PRKCA: variants seen among roughly 807,000 people sequenced by gnomAD.
PRKCA encodes protein kinase C alpha.
Under a neutral mutation model 87.0 loss-of-function variants are expected in PRKCA, and 27 were observed. That is an observed-to-expected ratio of 0.31 (90% CI 0.23 to 0.43). The LOEUF is 0.43. PRKCA is among the 20% of genes least tolerant of loss of function. PRKCA has a pLI of 1.00. For missense variants in PRKCA, 518 were observed against 852.3 expected (o/e 0.61, Z 4.88); for synonymous variants, 329 against 311.1 (o/e 1.06, Z -0.61).
At chr17:66,545,825 T>C (rs563246454) in intron 3 of PRKCA, among the ~76,000 whole-genome samples, 1 of 152,322 alleles carries the variant, frequency 6.6e-6, no homozygotes, top group East Asian at 1.9e-4. Context: ...AAATATGAAG[T>C]GTGTCATGTG....
Position 66,322,639 on chromosome 17 carries a change from G to GTTT in PRKCA, c.205+16525_205+16527dup, listed in dbSNP as rs71160559. ...CACCGTGCCCAGCTAATTTTTAATT[G>GTTT]TTTTTTTTTTTTTTTGTAGAGATGG... On this transcript the variant is annotated intron_variant, in intron 2 of 16. Coordinates refer to ENST00000413366, the MANE Select transcript of PRKCA (RefSeq NM_002737.3). 6.4e-4 allele frequency among the ~76,000 whole-genome samples: 85 copies of GTTT among 132,200 alleles called. 1 individual carries two copies. The highest frequency in any genetic ancestry group is 2.1e-3 in the African/African-American group (74 of 34,560). 86.7% of individuals were successfully genotyped at this position (132,200 alleles called of 152,430 possible). A position where few individuals can be genotyped will look rare whatever the true frequency, so the allele number is the denominator to read the frequency against.
At chr17:66,388,976 A>T (rs1401538859) in intron 2 of PRKCA, among the ~76,000 whole-genome samples, 1 of 152,214 alleles carries the variant, frequency 6.6e-6, no homozygotes, top group Non-Finnish European at 1.5e-5. Context: ...AAGGAAAAAG[A>T]AAAAGCTGTG....
intron 3 of PRKCA, among the ~76,000 whole-genome samples, chr17:66,610,796 A>T (rs949927488): frequency 6.6e-6 from 1 of 152,106 alleles, no homozygotes; most frequent in Non-Finnish European, 1.5e-5. Context: ...ACAACCTAAG[A>T]TCTAAGCTGA....
intron 2 of PRKCA, among the ~76,000 whole-genome samples, chr17:66,342,833 A>T (rs1281497500): frequency 6.6e-6 from 1 of 152,252 alleles, no homozygotes; most frequent in South Asian, 2.1e-4. Flanking sequence ...AAGAAAAATT[A>T]TATCAGAAGT....
intron 2 of PRKCA, among the ~76,000 whole-genome samples, chr17:66,347,941 C>CTTTTTTATTTTTTTTT (rs1907496834): frequency 1.8e-5 from 1 of 56,440 alleles, no homozygotes; most frequent in Non-Finnish European, 3.3e-5. Context: ...AATTCTGAAC[C>CTTTTTTATTTTTTTTT]TTTTTTTTTT....
chr17:66,548,545 G>A (rs1287004355), intron 3 of PRKCA, among the ~76,000 whole-genome samples: 1 of 152,148 alleles, frequency 6.6e-6, no homozygotes, highest in Admixed American at 6.5e-5. Flanking sequence ...AACCCATTAA[G>A]ATAGGTGATC....
rs769765060 is a variant in PRKCA at position 66,804,351 on chromosome 17, T to A, written c.*314T>A. 1 of 234,364 alleles carries A rather than the reference T, an allele frequency of 4.3e-6. No individual in the cohort carries two copies. Among genetic ancestry groups the A allele is most frequent in the African/African-American group, 2.3e-5 (1 of 44,278 alleles). The allele number at this position is 234,364 out of a possible 1,614,324, so 14.5% of individuals were successfully genotyped here. ...TTGCCCCATTTTGGGTACAATTTGA[T>A]ATACTTTCCATACCCTCCATCTGTG... On this transcript the variant is annotated 3_prime_UTR_variant, in exon 17 of 17. Coordinates refer to ENST00000413366, the MANE Select transcript of PRKCA (RefSeq NM_002737.3).
At chr17:66,777,794 T>G (rs777215582) in intron 14 of PRKCA, 72 of 985,334 alleles carry the variant, frequency 7.3e-5, no homozygotes, top group Admixed American at 1.8e-4. Flanking sequence ...CCGAGGGCGC[T>G]TTACAAGAGG....
chr17:66,315,463 A>T (rs181251933), intron 2 of PRKCA, among the ~76,000 whole-genome samples: 1 of 146,208 alleles, frequency 6.8e-6, no homozygotes, highest in East Asian at 2.1e-4. Context: ...GAGGTATTAA[A>T]GAATGAAGTG....
At chr17:66,333,376 G>A (rs147148687) in intron 2 of PRKCA, among the ~76,000 whole-genome samples, 93 of 152,228 alleles carry the variant, frequency 6.1e-4, no homozygotes, top group Non-Finnish European at 1.2e-3. Flanking sequence ...TCTTGTTATA[G>A]CATGAATGAT....
chr17:66,378,643 T>C (rs1171866089), intron 2 of PRKCA, among the ~76,000 whole-genome samples: 1 of 152,164 alleles, frequency 6.6e-6, no homozygotes, highest in African/African-American at 2.4e-5. Context: ...CTCACGCCTG[T>C]AATCCTAGCA....
At chr17:66,656,530 T>TATC (rs1474780661) in intron 5 of PRKCA, among the ~76,000 whole-genome samples, 1 of 87,654 alleles carries the variant, frequency 1.1e-5, no homozygotes, top group Non-Finnish European at 2.3e-5. Context: ...CAAGGAACTT[T>TATC]ATCTTCTGGA....
intron 2 of PRKCA, among the ~76,000 whole-genome samples, chr17:66,458,877 A>C (rs112765930): frequency 3.3e-5 from 5 of 152,178 alleles, no homozygotes; most frequent in Admixed American, 3.3e-4. Flanking sequence ...CAAAGGCAAA[A>C]GGGGGAAGGA....
chr17:66,720,806 C>T (rs909653173), intron 8 of PRKCA, among the ~76,000 whole-genome samples: 5 of 152,140 alleles, frequency 3.3e-5, no homozygotes, highest in African/African-American at 9.7e-5. Context: ...TTGGCCTGTC[C>T]GTGGAATCTT....
At chr17:66,579,010 C>T (rs1450990299) in intron 3 of PRKCA, among the ~76,000 whole-genome samples, 1 of 152,212 alleles carries the variant, frequency 6.6e-6, no homozygotes, top group East Asian at 1.9e-4. Flanking sequence ...TGCTTCTGTG[C>T]AGGCTGTGGC....
chr17:66,661,992 A>G (rs1971919082), intron 5 of PRKCA, among the ~76,000 whole-genome samples: 1 of 152,212 alleles, frequency 6.6e-6, no homozygotes. Context: ...AGGAATTCCT[A>G]CTGCGAGAAT....
chr17:66,396,526 C>T (rs529038975), intron 2 of PRKCA, among the ~76,000 whole-genome samples: 1 of 151,868 alleles, frequency 6.6e-6, no homozygotes, highest in East Asian at 1.9e-4. Flanking sequence ...CTGCTTTTTA[C>T]ACTTGTCATG....
chr17:66,659,264 G>A (rs1003328271), intron 5 of PRKCA, among the ~76,000 whole-genome samples: 1 of 152,142 alleles, frequency 6.6e-6, no homozygotes, highest in African/African-American at 2.4e-5. Context: ...TGCTGGTCCG[G>A]TGATTTTCAA....
chr17:66,645,620 G>C, intron 5 of PRKCA, 109 bp downstream of exon 5: 1 of 1,485,244 alleles, frequency 6.7e-7, no homozygotes, highest in Non-Finnish European at 9.1e-7. Flanking sequence ...GGCCTCTGGA[G>C]AGGCAGTCGC....
Sources: gnomAD v4.1 joint callset for allele counts (sites outside exome capture counted in the v4.1 genomes callset) on GRCh38, gnomAD v4.1.1 for gene constraint, MANE v1.5 for transcripts, NCBI Gene and HGNC (gene_info 2026-07-23, HGNC 2026-07-21) for gene names.